Variants in COMMD1 observed in about 807,000 individuals in gnomAD.
COMMD1 encodes the protein copper metabolism domain containing 1, also known as COMM domain-containing protein 1.
In COMMD1, 10 loss-of-function variants were observed where a neutral mutation model predicts 17.2. The observed-to-expected ratio is 0.58, with a 90% CI of 0.36 to 0.99. COMMD1 has a LOEUF of 0.99. COMMD1 is among the 50% of genes least tolerant of loss of function. COMMD1 has a pLI of 0.01. For synonymous variants in COMMD1, 97 were observed against 91.6 expected, an observed-to-expected ratio of 1.06 and a Z score of -0.34; for missense variants, 270 against 231.8, an observed-to-expected ratio of 1.17 and a Z score of -1.07.
chr2:62,037,022 A>G (rs940380632), intron 2 of COMMD1, among the ~76,000 whole-genome samples: 1 of 152,196 alleles, frequency 6.6e-6, no homozygotes, highest in Non-Finnish European at 1.5e-5. Context: ...TAAATCAGGT[A>G]TTATCACCTC....
chr2:61,956,491 C>T lies in COMMD1; in HGVS notation c.181-44210C>T, dbSNP rs551065413. On this transcript the variant is annotated intron_variant, in intron 1 of 2. Coordinates refer to ENST00000311832, the MANE Select transcript of COMMD1 (RefSeq NM_152516.4). ...GTGGCGTGATCTTGACTCACTGCAA[C>T]CTCTGCCTCCCAGGTTCAAGCAATT... Among the ~76,000 whole-genome samples, 242 of 151,798 alleles carry T rather than the reference C, an allele frequency of 1.6e-3. 1 individual carries two copies. The highest frequency in any genetic ancestry group is 2.5e-3 in the Non-Finnish European group (167 of 67,958).
In COMMD1 at chr2:61,997,057, C is replaced by CT. The variant is rs776532911; in HGVS notation, c.181-3629dup. ...ATAGCCTTACAAAATGTATTTCTTT[C>CT]TTTTTTTTTTTTTTTCTTTTTAGAC... On this transcript the variant is annotated intron_variant, in intron 1 of 2. Coordinates refer to ENST00000311832, the MANE Select transcript of COMMD1 (RefSeq NM_152516.4). Among the ~76,000 whole-genome samples the CT allele has an allele frequency of 6.8e-3, 962 of 141,662 alleles. 9 individuals carry two copies. The highest frequency in any genetic ancestry group is 0.017 in the African/African-American group (669 of 38,822). The allele number at this position is 141,662 out of a possible 152,430, so 92.9% of individuals were successfully genotyped here.
chr2:61,976,284 C>T (rs942098800), intron 1 of COMMD1, among the ~76,000 whole-genome samples: 15 of 150,432 alleles, frequency 1.0e-4, no homozygotes, highest in African/African-American at 3.4e-4. Flanking sequence ...TATAAAAAAC[C>T]CATTTTAAAT....
chr2:61,903,466 C>T (rs1474879214), upstream of COMMD1, among the ~76,000 whole-genome samples: 3 of 151,218 alleles, frequency 2.0e-5, no homozygotes, highest in Non-Finnish European at 4.4e-5. Context: ...AAGAATACCT[C>T]TTTACTGGAT....
chr2:62,069,656 T>C (rs1346601087), intron 2 of COMMD1: 1 of 152,210 alleles, frequency 6.6e-6, no homozygotes, highest in Non-Finnish European at 1.5e-5. Context: ...TTGTATTTCT[T>C]GGCTGGCAGG....
chr2:61,991,528 T>C (rs189008998), intron 1 of COMMD1, among the ~76,000 whole-genome samples: 40 of 152,312 alleles, frequency 2.6e-4, no homozygotes, highest in South Asian at 1.2e-3. Context: ...TTTCATTTCA[T>C]TGAGGTAAGT....
chr2:61,915,034 T>G (rs1206540984), intron 1 of COMMD1, among the ~76,000 whole-genome samples: 8 of 150,096 alleles, frequency 5.3e-5, no homozygotes, highest in African/African-American at 1.5e-4. Flanking sequence ...GATGGACTTT[T>G]GCTCTTGTTG....
intron 2 of COMMD1, among the ~76,000 whole-genome samples, chr2:62,053,342 GT>G (rs908643107): frequency 6.6e-6 from 1 of 151,700 alleles, no homozygotes; most frequent in Non-Finnish European, 1.5e-5. Context: ...TATTTGTGGG[GT>G]TTTTTTAGTG....
At chr2:61,918,196 T>G (rs1002409468) in intron 1 of COMMD1, among the ~76,000 whole-genome samples, 1 of 152,240 alleles carries the variant, frequency 6.6e-6, no homozygotes, top group Admixed American at 6.5e-5. Context: ...GTCTAAATAT[T>G]TGACTTGATA....
chr2:61,994,861 T>C (rs1035727148), intron 1 of COMMD1, among the ~76,000 whole-genome samples: 1 of 152,158 alleles, frequency 6.6e-6, no homozygotes, highest in South Asian at 2.1e-4. Flanking sequence ...TGCCCTAAAT[T>C]GGGACCAGTC....
At chr2:61,933,638 C>T (rs570957125) in intron 1 of COMMD1, among the ~76,000 whole-genome samples, 1 of 152,236 alleles carries the variant, frequency 6.6e-6, no homozygotes, top group Non-Finnish European at 1.5e-5. Context: ...TAAGAAGGCT[C>T]TCACCAGGTA....
At chr2:61,906,629 G>GGATT (rs201494418) in intron 1 of COMMD1, among the ~76,000 whole-genome samples, 1 of 111,740 alleles carries the variant, frequency 8.9e-6, no homozygotes, top group Non-Finnish European at 1.7e-5. Flanking sequence ...ACTAGTTATA[G>GGATT]GAATGTAGTG....
chr2:61,951,988 C>T (rs1671066844), intron 1 of COMMD1, among the ~76,000 whole-genome samples: 1 of 152,132 alleles, frequency 6.6e-6, no homozygotes, highest in Non-Finnish European at 1.5e-5. Context: ...TATTGCTGAG[C>T]ATTAGTCCAT....
rs553968464 is a variant in COMMD1 at position 62,063,432 on chromosome 2, C to T, written c.462+62450C>T. Among the ~76,000 whole-genome samples, 94 of 152,138 alleles carry T rather than the reference C, an allele frequency of 6.2e-4. 1 individual carries two copies. The highest frequency in any genetic ancestry group is 2.2e-3 in the African/African-American group (91 of 41,532). On this transcript the variant is annotated intron_variant, in intron 2 of 2. Transcript: ENST00000311832. ...GTCTTAATCTCCTGACCTCATGATC[C>T]GCCCGCCTCAGCCTCCCAAAGTGCT...
At chr2:62,041,459 A>G (rs746801324) in intron 2 of COMMD1, among the ~76,000 whole-genome samples, 9 of 152,186 alleles carry the variant, frequency 5.9e-5, no homozygotes, top group Non-Finnish European at 1.3e-4. Context: ...ACGTTGGAGT[A>G]CAGTGGTGCT....
intron 2 of COMMD1, among the ~76,000 whole-genome samples, chr2:62,114,556 T>G (rs1462545055): frequency 2.0e-5 from 3 of 152,222 alleles, no homozygotes; most frequent in Non-Finnish European, 2.9e-5. Flanking sequence ...TTCTTAGGAT[T>G]GCCAGTGATG....
chr2:62,042,059 T>C lies in COMMD1; in HGVS notation c.462+41077T>C, dbSNP rs375282540. 8.5e-5 allele frequency among the ~76,000 whole-genome samples: 13 copies of C among 152,300 alleles called. No homozygotes were observed. The South Asian group carries it at 2.7e-3, about 32-fold the overall frequency. On this transcript the variant is annotated intron_variant, in intron 2 of 2. Transcript: ENST00000311832. ...CTGATTGGCCCATTTTACAGAGAGCTGATTGGTCCATTTTACAGAGCACCG... is the reference window on the plus strand; with the variant it reads ...CTGATTGGCCCATTTTACAGAGAGCCGATTGGTCCATTTTACAGAGCACCG...
At chr2:62,067,036 T>C (rs1436288935) in intron 2 of COMMD1, among the ~76,000 whole-genome samples, 1 of 152,044 alleles carries the variant, frequency 6.6e-6, no homozygotes, top group African/African-American at 2.4e-5. Context: ...CAAATCTATA[T>C]AGATTGATGG....
chr2:62,007,976 G>A (rs1012550053), intron 2 of COMMD1, among the ~76,000 whole-genome samples: 4 of 152,150 alleles, frequency 2.6e-5, no homozygotes, highest in Non-Finnish European at 5.9e-5. Context: ...GAGCCCAGGT[G>A]TTTGAGACCA....
Sources: gnomAD v4.1 joint callset for allele counts (sites outside exome capture counted in the v4.1 genomes callset) on GRCh38, gnomAD v4.1.1 for gene constraint, MANE v1.5 for transcripts, NCBI Gene and HGNC (gene_info 2026-07-23, HGNC 2026-07-21) for gene names.